The following TNKS2 variants were observed in gnomAD, a reference collection of about 807,000 sequenced individuals.
TNKS2 encodes tankyrase 2.
Under a neutral mutation model 137.6 loss-of-function variants are expected in TNKS2, and 72 were observed. The ratio of observed to expected loss-of-function variants is 0.52; its 90% CI spans 0.43 to 0.64. TNKS2 has a LOEUF of 0.64. Ranked by LOEUF, TNKS2 falls within the 30% of genes least tolerant of loss-of-function variation. TNKS2 has a pLI of 0.00. For synonymous variants in TNKS2, 516 were observed against 512.1 expected (o/e 1.01, Z -0.10); for missense variants, 1,049 against 1,410.2 (o/e 0.74, Z 4.10).
At chr10:91,855,584 C>T (rs773601549) in intron 22 of TNKS2, 30 bp from the exon 23 acceptor site, 14 of 1,548,136 alleles carry the variant, frequency 9.0e-6, no homozygotes, top group Middle Eastern at 1.7e-4. Flanking sequence ...AATGCTAATG[C>T]ACATATATTT....
At position 91,851,116 on chromosome 10, in the gene TNKS2, CTG is replaced by C. The variant is rs1842527010; in HGVS notation, c.2695-99_2695-98del. 6.4e-6 allele frequency: 9 copies of C among 1,396,302 alleles called. No individual in the cohort carries two copies. In the East Asian group the frequency reaches 2.1e-4, roughly 33 times the overall value. The allele number at this position is 1,396,302 out of a possible 1,614,324, so 86.5% of individuals were successfully genotyped here. ...TATTTTTAGAAATGTTTAAAATAAT[CTG>C]GAGTAAATGTGTGAATCTTACATAT... On this transcript the variant is annotated intron_variant, in intron 20 of 26. Transcript: ENST00000371627.
chr10:91,841,141 C>A, intron 14 of TNKS2, 142 bp from the exon 15 acceptor site: 1 of 720,000 alleles, frequency 1.4e-6, no homozygotes, highest in Non-Finnish European at 2.0e-6. Flanking sequence ...CTTATTTCTG[C>A]CTTAAATAGA....
In TNKS2 at chr10:91,863,959, ATT is replaced by A. The variant is rs1216627054; in HGVS notation, c.*961_*962del. 1 of 152,104 alleles carries A rather than the reference ATT, an allele frequency of 6.6e-6. No individual in the cohort carries two copies. The highest frequency in any genetic ancestry group is 1.5e-5 in the Non-Finnish European group (1 of 68,006). The allele number at this position is 152,104 out of a possible 1,614,324, so 9.4% of individuals were successfully genotyped here. A position where few individuals can be genotyped will look rare whatever the true frequency, so the allele number is the denominator to read the frequency against. ...GTAATCCTAAATCATTTCCCAATCT[ATT>A]CTAATTACCTTAAATCTAAAGGGGA... On this transcript the variant is annotated 3_prime_UTR_variant, in exon 27 of 27. Transcript: ENST00000371627.
chr10:91,849,057 G>A (rs1371525868), intron 19 of TNKS2, among the ~76,000 whole-genome samples: 1 of 152,174 alleles, frequency 6.6e-6, no homozygotes, highest in African/African-American at 2.4e-5. Flanking sequence ...GACTGGTCTT[G>A]AACTCCTGAC....
intron 6 of TNKS2, 133 bp downstream of exon 6, chr10:91,820,166 G>T (rs1844842397): frequency 2.0e-6 from 1 of 507,294 alleles, no homozygotes; most frequent in Non-Finnish European, 3.2e-6. Flanking sequence ...TGTACAGGTT[G>T]CTCTGAGGGC....
chr10:91,807,728 C>T lies in TNKS2; in HGVS notation c.200-5255C>T, dbSNP rs144863572. Among the ~76,000 whole-genome samples the T allele has an allele frequency of 2.2e-3, 336 of 152,320 alleles. 1 individual carries two copies. Among genetic ancestry groups the T allele is most frequent in the African/African-American group, 7.8e-3 (323 of 41,574 alleles). On this transcript the variant is annotated intron_variant, in intron 1 of 26. Coordinates refer to ENST00000371627, the MANE Select transcript of TNKS2 (RefSeq NM_025235.4). ...GTCTAGAAAATGCCGGGCGCAGTGG[C>T]TCATGCCTGTAATCCCAGCACTTCG...
chr10:91,802,155 A>G (rs1844191793), intron 1 of TNKS2, among the ~76,000 whole-genome samples: 1 of 152,202 alleles, frequency 6.6e-6, no homozygotes, highest in Admixed American at 6.5e-5. Context: ...ACTGAACCAC[A>G]TACATAGGAC....
intron 13 of TNKS2, among the ~76,000 whole-genome samples, chr10:91,837,659 A>AG (rs1842071105): frequency 6.6e-6 from 1 of 152,200 alleles, no homozygotes; most frequent in East Asian, 1.9e-4. Flanking sequence ...TAGGAGTTTC[A>AG]GACCAGCCTG....
intron 5 of TNKS2, 33 bp downstream of exon 5, chr10:91,819,590 C>CT: frequency 6.8e-7 from 1 of 1,466,446 alleles, no homozygotes; most frequent in Non-Finnish European, 9.3e-7. Flanking sequence ...TTGTGCTTAT[C>CT]TCCTGGTAAC....
At chr10:91,815,268 CTATT>C (rs1844647744) in intron 2 of TNKS2, among the ~76,000 whole-genome samples, 2 of 152,168 alleles carry the variant, frequency 1.3e-5, no homozygotes, top group African/African-American at 4.8e-5. Context: ...TCCCAAATCA[CTATT>C]TATGTCAACT....
At chr10:91,857,290 T>A (rs1003422303) in intron 23 of TNKS2, 135 bp from the exon 24 acceptor site, 14 of 469,212 alleles carry the variant, frequency 3.0e-5, no homozygotes, top group Admixed American at 7.6e-5. Flanking sequence ...TTTAGTTGAT[T>A]AAAATAACAC....
chr10:91,848,930 G>A (rs972330566), intron 19 of TNKS2, among the ~76,000 whole-genome samples: 2 of 152,138 alleles, frequency 1.3e-5, no homozygotes, highest in African/African-American at 4.8e-5. Context: ...TCTGCCTCAA[G>A]GGTTTAAGCA....
intron 7 of TNKS2, among the ~76,000 whole-genome samples, chr10:91,825,009 A>G (rs1441228781): frequency 6.6e-6 from 1 of 152,182 alleles, no homozygotes; most frequent in Non-Finnish European, 1.5e-5. Flanking sequence ...CAATATAATC[A>G]TGGATGCACT....
chr10:91,807,266 A>G (rs1844352482), intron 1 of TNKS2: 2 of 1,611,292 alleles, frequency 1.2e-6, no homozygotes, highest in South Asian at 2.2e-5. Context: ...TCTTCTTTAC[A>G]TCTTGAGCTT....
chr10:91,810,915 CTTTTCTTTTTTT>C (rs1283798949), intron 1 of TNKS2, among the ~76,000 whole-genome samples: 2 of 76,684 alleles, frequency 2.6e-5, no homozygotes, highest in East Asian at 4.8e-4. Context: ...TCTCTCTTTT[CTTTTCTTTTTTT>C]TTTTTTTTTT....
intron 1 of TNKS2, among the ~76,000 whole-genome samples, chr10:91,810,281 G>A (rs142525218): frequency 3.0e-4 from 46 of 151,832 alleles, no homozygotes; most frequent in African/African-American, 1.1e-3. Context: ...AGGAAGCTAA[G>A]GCAGGAGAAT....
At position 91,819,399 on chromosome 10, in the gene TNKS2, A is replaced by T. The variant is rs1844814479; in HGVS notation, c.558-83A>T. On this transcript the variant is annotated intron_variant, in intron 4 of 26. Coordinates refer to ENST00000371627, the MANE Select transcript of TNKS2 (RefSeq NM_025235.4). ...TTACAGTAAGCAAACTTTAAAAAGA[A>T]TTTTTTTTTAATGGTTACAGTACTT... 9.6e-6 allele frequency: 13 copies of T among 1,348,700 alleles called. No individual in the cohort carries two copies. The East Asian group carries it at 3.4e-4, about 35-fold the overall frequency. 83.5% of individuals were successfully genotyped at this position (1,348,700 alleles called of 1,614,324 possible).
At chr10:91,802,768 C>T (rs1314933090) in intron 1 of TNKS2, among the ~76,000 whole-genome samples, 1 of 152,228 alleles carries the variant, frequency 6.6e-6, no homozygotes, top group Admixed American at 6.5e-5. Context: ...CAAAATTTAT[C>T]CAACACTCTT....
intron 2 of TNKS2, among the ~76,000 whole-genome samples, chr10:91,815,841 C>T (rs1589652743): frequency 6.6e-6 from 1 of 151,860 alleles, no homozygotes; most frequent in Non-Finnish European, 1.5e-5. Flanking sequence ...TTCCTTTCTG[C>T]ACATATTTGC....
Sources: allele counts gnomAD v4.1 joint callset (sites outside exome capture counted in the v4.1 genomes callset), GRCh38; gene constraint gnomAD v4.1.1; transcripts MANE v1.5; gene names NCBI Gene and HGNC (gene_info 2026-07-23, HGNC 2026-07-21).